CDKL2: variants seen among roughly 807,000 people sequenced by gnomAD.
CDKL2 encodes cyclin dependent kinase like 2.
Under a neutral mutation model 63.9 loss-of-function variants are expected in CDKL2, and 64 were observed. The ratio of observed to expected loss-of-function variants is 1.00; its 90% CI spans 0.82 to 1.23. CDKL2 has a LOEUF of 1.23. Ranked by LOEUF, CDKL2 falls within the 50% of genes most tolerant of loss-of-function variation. CDKL2 has a pLI of 0.00. For missense variants in CDKL2, 656 were observed against 668.0 expected (o/e 0.98, Z 0.20); for synonymous variants, 211 against 229.2 (o/e 0.92, Z 0.72).
At chr4:75,620,703 A>C (rs1274024339) in intron 2 of CDKL2, among the ~76,000 whole-genome samples, 1 of 152,184 alleles carries the variant, frequency 6.6e-6, no homozygotes, top group African/African-American at 2.4e-5. Flanking sequence ...TTTAGAGGGA[A>C]GACTAAGAGG....
Position 75,600,336 on chromosome 4 carries a change from A to C in CDKL2, c.829T>G (p.Phe277Val). The change falls in exon 7 of 14, where the codon TTC (phenylalanine) becomes GTC (valine). Residue 277 changes from phenylalanine to valine, a missense_variant. By Grantham distance (50) the Phe-to-Val change is conservative. Transcript: ENST00000307465. ...CLHIDPDKRP[F>V]CAELLHHDFF... ...TCATGGTGTAGGAGCTCAGCACAGA[A>C]GGGTCTTTTGTCGGGGTCAATATGT... 1.2e-6 allele frequency: 2 copies of C among 1,613,748 alleles called. No homozygotes were observed. The highest frequency in any genetic ancestry group is 1.7e-6 in the Non-Finnish European group (2 of 1,179,728).
Position 75,576,601 on chromosome 4 carries a change from A to C in CDKL2, c.*2601T>G, listed in dbSNP as rs1728034190. ...CAACAGAGAAAAATCCATTCAGTCC[A>C]ATTCACTAAGACTAGCCTAAAGCCT... On this transcript the variant is annotated 3_prime_UTR_variant, in exon 14 of 14. Transcript: ENST00000307465. Among the ~76,000 whole-genome samples the C allele has an allele frequency of 6.6e-6, 1 of 152,220 alleles. No homozygotes were observed. The highest frequency in any genetic ancestry group is 6.5e-5 in the Admixed American group (1 of 15,276).
intron 8 of CDKL2, among the ~76,000 whole-genome samples, chr4:75,597,606 T>C (rs1433252313): frequency 6.6e-6 from 1 of 152,170 alleles, no homozygotes; most frequent in East Asian, 1.9e-4. Flanking sequence ...TTGATATAAG[T>C]GGATTGGTGG....
chr4:75,627,767 G>A (rs79253097), intron 1 of CDKL2, among the ~76,000 whole-genome samples: 3,300 of 113,074 alleles, frequency 0.029, 68 homozygotes, highest in Non-Finnish European at 0.043. Flanking sequence ...GGAGTCTCGT[G>A]CACTGGCGCG....
rs1188830375 is a variant in CDKL2 at position 75,604,048 on chromosome 4, A to G, written c.656-92T>C. The G allele has an allele frequency of 8.0e-6, 10 of 1,246,476 alleles. No individual in the cohort carries two copies. The African/African-American group carries it at 1.5e-4, about 19-fold the overall frequency. 77.2% of individuals were successfully genotyped at this position (1,246,476 alleles called of 1,614,324 possible). ...GGTGTGAAGTAGAGGAAATAGTGGA[A>G]CACAGCTTATGGAGTTTGGGGCTCT... On this transcript the variant is annotated intron_variant, in intron 5 of 13. Transcript: ENST00000307465.
At chr4:75,596,905 C>T in intron 9 of CDKL2, 30 bp downstream of exon 9, 1 of 1,568,656 alleles carries the variant, frequency 6.4e-7, no homozygotes. Flanking sequence ...TCCTTAAACA[C>T]TTTTTTGATC....
At chr4:75,610,035 T>C (rs1182063597) in intron 3 of CDKL2, among the ~76,000 whole-genome samples, 1 of 151,782 alleles carries the variant, frequency 6.6e-6, no homozygotes, top group African/African-American at 2.4e-5. Context: ...ACCCCGTCTC[T>C]ACCAAAAATA....
chr4:75,596,163 A>G, intron 10 of CDKL2, 84 bp downstream of exon 10: 3 of 805,716 alleles, frequency 3.7e-6, no homozygotes, highest in East Asian at 2.6e-5. Flanking sequence ...AAAATTCTCA[A>G]TACTTCACTA....
intron 12 of CDKL2, 94 bp downstream of exon 12, chr4:75,591,724 CA>C (rs1728722475): frequency 1.3e-6 from 1 of 783,452 alleles, no homozygotes; most frequent in African/African-American, 1.7e-5. Context: ...AATAAACCTG[CA>C]CAATTCTTAA....
At chr4:75,599,062 C>T (rs1729062488) in intron 7 of CDKL2, among the ~76,000 whole-genome samples, 1 of 152,104 alleles carries the variant, frequency 6.6e-6, no homozygotes, top group Admixed American at 6.6e-5. Flanking sequence ...ATTTTTGATG[C>T]TGTACAAGAA....
At chr4:75,579,757 T>C (rs1728180441) in intron 13 of CDKL2, among the ~76,000 whole-genome samples, 1 of 152,196 alleles carries the variant, frequency 6.6e-6, no homozygotes, top group Non-Finnish European at 1.5e-5. Context: ...TGCATCCAAG[T>C]TTTGCAGACC....
chr4:75,604,046 G>T, intron 5 of CDKL2, 90 bp from the exon 6 acceptor site: 1 of 1,252,656 alleles, frequency 8.0e-7, no homozygotes, highest in Non-Finnish European at 1.1e-6. Context: ...GGAAATAGTG[G>T]AACACAGCTT....
intron 2 of CDKL2, 68 bp downstream of exon 2, chr4:75,625,753 A>G: frequency 1.8e-6 from 2 of 1,142,000 alleles, no homozygotes; most frequent in South Asian, 1.4e-5. Flanking sequence ...TAATCATTGT[A>G]TTTCTTCTTA....
At chr4:75,585,653 G>T (rs2148860286) in intron 12 of CDKL2, among the ~76,000 whole-genome samples, 1 of 152,220 alleles carries the variant, frequency 6.6e-6, no homozygotes, top group South Asian at 2.1e-4. Flanking sequence ...AGGTATGGTG[G>T]CTCATGCCTG....
At chr4:75,588,505 T>C (rs1728572450) in intron 12 of CDKL2, among the ~76,000 whole-genome samples, 2 of 152,180 alleles carry the variant, frequency 1.3e-5, no homozygotes, top group African/African-American at 4.8e-5. Flanking sequence ...TATTAAATTA[T>C]ACATGGAATA....
rs1728989489 is a variant in CDKL2 at position 75,597,289 on chromosome 4, T to C, written c.1021-53A>G. On this transcript the variant is annotated intron_variant, in intron 8 of 13. Transcript: ENST00000307465. Reference sequence around the variant, plus strand: ...GTTAATGATCTGAAGAGAATGAAAATTTACCTCTTCTTATAAAGTACTTGT... The same window carrying C: ...GTTAATGATCTGAAGAGAATGAAAACTTACCTCTTCTTATAAAGTACTTGT... The C allele has an allele frequency of 1.0e-5, 12 of 1,156,130 alleles. No homozygotes were observed. In the Middle Eastern group the frequency reaches 1.5e-3, roughly 142 times the overall value. 71.6% of individuals were successfully genotyped at this position (1,156,130 alleles called of 1,614,324 possible). A position where few individuals can be genotyped will look rare whatever the true frequency, so the allele number is the denominator to read the frequency against.
chr4:75,606,357 G>T (rs536842136), intron 4 of CDKL2, among the ~76,000 whole-genome samples: 30 of 152,190 alleles, frequency 2.0e-4, no homozygotes, highest in Admixed American at 7.2e-4. Flanking sequence ...TGGGATTACA[G>T]GTGCATGCCA....
chr4:75,585,755 G>C (rs1199391928), intron 12 of CDKL2, among the ~76,000 whole-genome samples: 1 of 152,002 alleles, frequency 6.6e-6, no homozygotes, highest in African/African-American at 2.4e-5. Context: ...ACTCTGTCTT[G>C]AAATAAATTA....
intron 2 of CDKL2, among the ~76,000 whole-genome samples, chr4:75,624,104 C>T (rs1192282042): frequency 6.8e-6 from 1 of 146,070 alleles, no homozygotes; most frequent in African/African-American, 2.6e-5. Context: ...GCACTCCAGC[C>T]TAGATGACAA....
Sources: gnomAD v4.1 joint callset for allele counts (sites outside exome capture counted in the v4.1 genomes callset) on GRCh38, gnomAD v4.1.1 for gene constraint, MANE v1.5 for transcripts, NCBI Gene and HGNC (gene_info 2026-07-23, HGNC 2026-07-21) for gene names.